Variants in SLC25A21 observed in about 807,000 individuals in gnomAD.
SLC25A21 encodes mitochondrial 2-oxodicarboxylate carrier.
In SLC25A21, 47 loss-of-function variants were observed where a neutral mutation model predicts 43.8. The observed-to-expected ratio is 1.07, with a 90% CI of 0.85 to 1.37. SLC25A21 has a LOEUF of 1.37. Among genes scored for constraint, SLC25A21 ranks in the 40% most tolerant of loss-of-function variants. The pLI is 0.00. For missense variants in SLC25A21, 352 were observed against 350.2 expected (o/e 1.00, Z -0.04); for synonymous variants, 131 against 121.3 (o/e 1.08, Z -0.52).
chr14:37,129,818 T>A (rs1343007584), intron 1 of SLC25A21, among the ~76,000 whole-genome samples: 5 of 151,926 alleles, frequency 3.3e-5, no homozygotes, highest in Admixed American at 3.3e-4. Context: ...TTATATGTAT[T>A]CTATTTAACT....
At chr14:36,827,618 A>G (rs1430136556) in intron 2 of SLC25A21, among the ~76,000 whole-genome samples, 1 of 152,228 alleles carries the variant, frequency 6.6e-6, no homozygotes, top group Non-Finnish European at 1.5e-5. Flanking sequence ...TATATTCACA[A>G]CTTTAAATAT....
chr14:37,101,350 A>G (rs536836080), intron 1 of SLC25A21, among the ~76,000 whole-genome samples: 5 of 152,256 alleles, frequency 3.3e-5, no homozygotes, highest in Admixed American at 6.5e-5. Context: ...TCATAAACTC[A>G]CTCCCTTTGC....
intron 1 of SLC25A21, among the ~76,000 whole-genome samples, chr14:37,109,941 G>A (rs901956614): frequency 1.3e-5 from 2 of 152,074 alleles, no homozygotes; most frequent in African/African-American, 4.8e-5. Context: ...AACATTGCAT[G>A]TCACAACTAA....
At chr14:36,709,874 A>C (rs1257045730) in intron 7 of SLC25A21, among the ~76,000 whole-genome samples, 1 of 152,194 alleles carries the variant, frequency 6.6e-6, no homozygotes, top group African/African-American at 2.4e-5. Flanking sequence ...TGGACCTCTA[A>C]GGGAAACTGC....
At chr14:36,894,744 C>G (rs1891187250) in intron 1 of SLC25A21, among the ~76,000 whole-genome samples, 1 of 152,176 alleles carries the variant, frequency 6.6e-6, no homozygotes, top group African/African-American at 2.4e-5. Flanking sequence ...GAGTTTTTAG[C>G]AAGAAGCATT....
intron 1 of SLC25A21, among the ~76,000 whole-genome samples, chr14:37,157,659 A>G (rs1175389721): frequency 6.6e-6 from 1 of 152,188 alleles, no homozygotes; most frequent in African/African-American, 2.4e-5. Flanking sequence ...CAAGTTGACA[A>G]TTTAACAATG....
At chr14:36,830,806 G>A (rs920200684) in intron 2 of SLC25A21, among the ~76,000 whole-genome samples, 1 of 152,042 alleles carries the variant, frequency 6.6e-6, no homozygotes, top group African/African-American at 2.4e-5. Context: ...ATAGAGAAAA[G>A]CTTAGATTTA....
intron 2 of SLC25A21, among the ~76,000 whole-genome samples, chr14:36,849,760 C>A (rs554587680): frequency 1.3e-5 from 2 of 152,176 alleles, no homozygotes; most frequent in Non-Finnish European, 2.9e-5. Flanking sequence ...TTATTTCCTG[C>A]TAAAACTCAT....
intron 1 of SLC25A21, among the ~76,000 whole-genome samples, chr14:37,009,772 T>C (rs139396669): frequency 6.6e-5 from 10 of 152,298 alleles, no homozygotes; most frequent in African/African-American, 1.9e-4. Flanking sequence ...CATCATCTAG[T>C]GGTCCAACTA....
At chr14:36,922,120 C>G (rs1475509086) in intron 1 of SLC25A21, among the ~76,000 whole-genome samples, 1 of 144,824 alleles carries the variant, frequency 6.9e-6, no homozygotes, top group East Asian at 2.0e-4. Context: ...GCCTGGGCAA[C>G]AGAGCGAGAT....
chr14:36,683,868 C>A lies in SLC25A21; in HGVS notation c.798G>T (p.Leu266Phe), dbSNP rs1158095458. The A allele has an allele frequency of 6.2e-7, 1 of 1,606,004 alleles. No individual in the cohort carries two copies. Among genetic ancestry groups the A allele is most frequent in the African/African-American group, 1.3e-5 (1 of 74,686 alleles). The change falls in exon 9 of 10, where the codon TTG becomes TTT. Residue 266 changes from leucine (L) to phenylalanine (F), a missense_variant. Coordinates refer to ENST00000331299, the MANE Select transcript of SLC25A21 (RefSeq NM_030631.4). Reference sequence around the variant, plus strand: ...TAATCTTGGGAAGCAGGCCTTTGTACAAAGCTAAAATCCTGTAATGGGAAG... The same window carrying A: ...TAATCTTGGGAAGCAGGCCTTTGTAAAAAGCTAAAATCCTGTAATGGGAAG... The part of the protein sequence containing the change: ...TVYQEEGILA[L>F]YKGLLPKIMR...
At chr14:36,800,410 A>T (rs1887828049) in intron 3 of SLC25A21, among the ~76,000 whole-genome samples, 1 of 152,230 alleles carries the variant, frequency 6.6e-6, no homozygotes, top group Admixed American at 6.5e-5. Context: ...AAGGAAGGAA[A>T]TGATGATGCA....
chr14:36,699,695 C>T (rs1254847692), intron 7 of SLC25A21, among the ~76,000 whole-genome samples: 2 of 152,144 alleles, frequency 1.3e-5, no homozygotes, highest in African/African-American at 2.4e-5. Context: ...CCTTGCAGAT[C>T]GATCTCAGAC....
chr14:36,952,945 T>C (rs921163141), intron 1 of SLC25A21, among the ~76,000 whole-genome samples: 1 of 152,190 alleles, frequency 6.6e-6, no homozygotes, highest in Non-Finnish European at 1.5e-5. Context: ...TACTCATCTA[T>C]CATCAAGCTG....
intron 1 of SLC25A21, among the ~76,000 whole-genome samples, chr14:37,102,995 A>G (rs1259719397): frequency 6.6e-6 from 1 of 152,044 alleles, no homozygotes; most frequent in Non-Finnish European, 1.5e-5. Flanking sequence ...GTCTCAAAAA[A>G]AAAAAAAATT....
chr14:37,080,807 C>A (rs1849820443), intron 1 of SLC25A21, among the ~76,000 whole-genome samples: 1 of 152,106 alleles, frequency 6.6e-6, no homozygotes, highest in Non-Finnish European at 1.5e-5. Context: ...TCAGCATGCT[C>A]CATAATCAAG....
intron 2 of SLC25A21, among the ~76,000 whole-genome samples, chr14:36,821,362 G>T (rs919353023): frequency 1.3e-5 from 2 of 150,470 alleles, no homozygotes; most frequent in Non-Finnish European, 3.0e-5. Context: ...GTTTTTTTTA[G>T]CAAGTACTGG....
chr14:36,932,043 G>A (rs1360171830), intron 1 of SLC25A21, among the ~76,000 whole-genome samples: 2 of 152,034 alleles, frequency 1.3e-5, no homozygotes, highest in East Asian at 1.9e-4. Context: ...TTCTCTGTGT[G>A]ATCCCAAAGA....
intron 1 of SLC25A21, among the ~76,000 whole-genome samples, chr14:37,016,056 A>G (rs1380926697): frequency 9.9e-5 from 15 of 151,816 alleles, no homozygotes; most frequent in Non-Finnish European, 1.9e-4. Context: ...ATTAGATCCG[A>G]TTTGTCAATT....
Sources: gnomAD v4.1 joint callset for allele counts (sites outside exome capture counted in the v4.1 genomes callset) on GRCh38, gnomAD v4.1.1 for gene constraint, MANE v1.5 for transcripts, NCBI Gene and HGNC (gene_info 2026-07-23, HGNC 2026-07-21) for gene names.